Variants in TFDP2 observed in about 807,000 individuals in gnomAD.
TFDP2 encodes the protein transcription factor Dp-2 (E2F dimerization partner 2).
Under a neutral mutation model 59.3 loss-of-function variants are expected in TFDP2, and 17 were observed. The observed-to-expected ratio is 0.29, with a 90% CI of 0.20 to 0.43. The LOEUF (loss-of-function observed/expected upper bound fraction) is 0.43, where lower values mean the gene tolerates loss of function less well. TFDP2 is among the 20% of genes least tolerant of loss of function. The pLI is 1.00. For missense variants in TFDP2, 391 were observed against 528.8 expected, an observed-to-expected ratio of 0.74 and a Z score of 2.56; for synonymous variants, 180 against 194.7, an observed-to-expected ratio of 0.92 and a Z score of 0.63.
chr3:141,992,038 T>C (rs2108171604), intron 6 of TFDP2, among the ~76,000 whole-genome samples: 1 of 86,648 alleles, frequency 1.2e-5, no homozygotes, highest in African/African-American at 4.5e-5. Flanking sequence ...GAAGACTCCA[T>C]CTCAAAAAAA....
chr3:142,086,180 T>TG (rs1297611054), intron 3 of TFDP2, among the ~76,000 whole-genome samples: 1 of 150,092 alleles, frequency 6.7e-6, no homozygotes, highest in Non-Finnish European at 1.5e-5. Context: ...TTATTAAGAA[T>TG]GGGAAAAAAA....
rs1022828250 is a variant in TFDP2, at chr3:142,098,319, T to A, written c.15+3416A>T. Among the ~76,000 whole-genome samples, 3 of 151,368 alleles carry A rather than the reference T, an allele frequency of 2.0e-5. 1 individual carries two copies. In the Admixed American group the frequency reaches 2.0e-4, roughly 10 times the overall value. On this transcript the variant is annotated intron_variant, in intron 2 of 12. Transcript: ENST00000489671. ...ATATTTCAAATTATTTACTGTATTATTGCTTAAATTAGAACACAACTGCAT... is the reference window on the plus strand; with the variant it reads ...ATATTTCAAATTATTTACTGTATTAATGCTTAAATTAGAACACAACTGCAT...
At chr3:142,094,258 A>C (rs1250907156) in intron 2 of TFDP2, among the ~76,000 whole-genome samples, 1 of 151,890 alleles carries the variant, frequency 6.6e-6, no homozygotes. Flanking sequence ...GTTACATTAC[A>C]CTAACTTGTA....
In TFDP2 at chr3:142,109,857, AAG is replaced by A. The variant is rs772218574; in HGVS notation, c.-92-8018_-92-8017del. ...TGGCATTTTACACGTTAAACAGAAAAAGAGACTTATTTTTATGTTCACTGCTC... is the reference window on the plus strand; with the variant it reads ...TGGCATTTTACACGTTAAACAGAAAAAGACTTATTTTTATGTTCACTGCTC... On this transcript the variant is annotated intron_variant, in intron 1 of 12. Coordinates refer to ENST00000489671, the MANE Select transcript of TFDP2 (RefSeq NM_001178139.2). 1.8e-4 allele frequency among the ~76,000 whole-genome samples: 28 copies of A among 152,214 alleles called. No individual in the cohort carries two copies. In the Middle Eastern group the frequency reaches 0.01, roughly 55 times the overall value.
chr3:142,043,899 C>T, intron 3 of TFDP2: 2 of 984,200 alleles, frequency 2.0e-6, no homozygotes, highest in Non-Finnish European at 3.3e-6. Context: ...ATCTTCTAAG[C>T]AGCCGGCGCA....
intron 1 of TFDP2, among the ~76,000 whole-genome samples, chr3:142,134,195 C>T (rs996410004): frequency 1.9e-4 from 29 of 151,338 alleles, no homozygotes; most frequent in Non-Finnish European, 3.4e-4. Context: ...CAGAGGTGGG[C>T]GAAATTAGCT....
chr3:142,137,023 T>C (rs1451955852), intron 1 of TFDP2, among the ~76,000 whole-genome samples: 3 of 152,166 alleles, frequency 2.0e-5, no homozygotes, highest in African/African-American at 4.8e-5. Flanking sequence ...TCCATGAGCA[T>C]AGAATGTTCT....
intron 3 of TFDP2, among the ~76,000 whole-genome samples, chr3:142,041,425 T>C (rs1946963768): frequency 6.6e-6 from 1 of 152,182 alleles, no homozygotes; most frequent in Admixed American, 6.5e-5. Flanking sequence ...TCCCATGCTG[T>C]TCTCATGATA....
intron 8 of TFDP2, among the ~76,000 whole-genome samples, chr3:141,970,928 CG>C (rs1183152217): frequency 6.6e-6 from 1 of 151,844 alleles, no homozygotes; most frequent in Non-Finnish European, 1.5e-5. Context: ...TGTGGTGGCG[CG>C]CATCTGTAGT....
intron 3 of TFDP2, among the ~76,000 whole-genome samples, chr3:142,048,827 A>C (rs1186544715): frequency 6.6e-6 from 1 of 152,122 alleles, no homozygotes; most frequent in Non-Finnish European, 1.5e-5. Flanking sequence ...CAGCCTCCCA[A>C]AGTGGTGGGA....
chr3:142,108,258 G>A (rs1238645789), intron 1 of TFDP2, among the ~76,000 whole-genome samples: 3 of 151,354 alleles, frequency 2.0e-5, no homozygotes, highest in African/African-American at 7.3e-5. Flanking sequence ...CACCCAGGCT[G>A]GACTGCAGTG....
intron 1 of TFDP2, among the ~76,000 whole-genome samples, chr3:142,114,477 ACGC>A (rs759563201): frequency 3.9e-4 from 60 of 152,320 alleles, no homozygotes; most frequent in Non-Finnish European, 7.9e-4. Context: ...TTGTTTGCAT[ACGC>A]TCCTCATCCA....
intron 5 of TFDP2, 30 bp from the exon 6 acceptor site, chr3:141,993,615 A>T (rs909215990): frequency 2.3e-6 from 3 of 1,300,092 alleles, no homozygotes; most frequent in African/African-American, 3.0e-5. Context: ...GCATAAAAAC[A>T]ATACATACTT....
At chr3:141,991,197 G>A (rs1457748147) in intron 6 of TFDP2, among the ~76,000 whole-genome samples, 3 of 152,102 alleles carry the variant, frequency 2.0e-5, no homozygotes, top group Non-Finnish European at 4.4e-5. Context: ...TTCCAGGCAC[G>A]TAACTAGAAT....
chr3:141,959,904 T>G, intron 10 of TFDP2, 64 bp from the exon 11 acceptor site: 4 of 1,525,498 alleles, frequency 2.6e-6, no homozygotes, highest in Non-Finnish European at 3.6e-6. Flanking sequence ...AGTTTTGTAT[T>G]CTATAGTTTA....
At chr3:141,967,290 TTTTTG>T in intron 9 of TFDP2, among the ~76,000 whole-genome samples, 1 of 150,662 alleles carries the variant, frequency 6.6e-6, no homozygotes, top group Admixed American at 6.6e-5. Context: ...GGAAATAAGT[TTTTTG>T]TTTTTTTTTT....
intron 1 of TFDP2, among the ~76,000 whole-genome samples, chr3:142,138,992 G>A (rs1338860517): frequency 6.6e-6 from 1 of 152,142 alleles, no homozygotes; most frequent in Admixed American, 6.5e-5. Flanking sequence ...ATTATTGTGT[G>A]GGAGTCTAAG....
At chr3:142,066,107 C>T (rs544448493) in intron 3 of TFDP2, among the ~76,000 whole-genome samples, 31 of 152,336 alleles carry the variant, frequency 2.0e-4, no homozygotes, top group African/African-American at 6.7e-4. Flanking sequence ...ATTTGCATCT[C>T]ACCAGAAATG....
At chr3:142,077,449 G>T (rs2108570043) in intron 3 of TFDP2, among the ~76,000 whole-genome samples, 1 of 152,092 alleles carries the variant, frequency 6.6e-6, no homozygotes. Context: ...AGTGGAGAAG[G>T]AAGTTAAGAG....
Sources: gnomAD v4.1 joint callset for allele counts (sites outside exome capture counted in the v4.1 genomes callset) on GRCh38, gnomAD v4.1.1 for gene constraint, MANE v1.5 for transcripts, NCBI Gene and HGNC (gene_info 2026-07-23, HGNC 2026-07-21) for gene names.